PDE4B: variants seen among roughly 807,000 people sequenced by gnomAD.
PDE4B encodes the protein 3',5'-cyclic-AMP phosphodiesterase 4B.
PDE4B carries 20 observed loss-of-function variants against 82.2 expected under a neutral mutation model. That is an observed-to-expected ratio of 0.24 (90% CI 0.17 to 0.35). The LOEUF is 0.35. Ranked by LOEUF, PDE4B falls within the 10% of genes least tolerant of loss-of-function variation. PDE4B has a pLI of 1.00. For missense variants in PDE4B, 655 were observed against 907.2 expected (o/e 0.72, Z 3.57); for synonymous variants, 320 against 318.9 (o/e 1.00, Z -0.04).
chr1:66,288,864 C>A (rs1171902199), intron 7 of PDE4B, among the ~76,000 whole-genome samples: 1 of 152,168 alleles, frequency 6.6e-6, no homozygotes, highest in Non-Finnish European at 1.5e-5. Context: ...GACTTGGCAC[C>A]AGTTTCTGGG....
At chr1:66,262,857 G>T (rs898559548) in intron 6 of PDE4B, among the ~76,000 whole-genome samples, 1 of 152,120 alleles carries the variant, frequency 6.6e-6, no homozygotes, top group Non-Finnish European at 1.5e-5. Context: ...TGAGACAAAA[G>T]AATTTGTATA....
rs139307077 is a variant in PDE4B at position 65,948,792 on chromosome 1, C to T, written c.281+29957C>T. 3.3e-4 allele frequency among the ~76,000 whole-genome samples: 50 copies of T among 152,102 alleles called. No homozygotes were observed. The East Asian group carries it at 6.0e-3, about 18-fold the overall frequency. Reference sequence around the variant, plus strand: ...ATATCTGAGTAATTTACGGATTGATCGATGGTGTTGCAACATCTTTCTTGT... The same window carrying T: ...ATATCTGAGTAATTTACGGATTGATTGATGGTGTTGCAACATCTTTCTTGT... On this transcript the variant is annotated intron_variant, in intron 3 of 16. Coordinates refer to ENST00000341517, the MANE Select transcript of PDE4B (RefSeq NM_002600.4).
chr1:65,825,703 TACCTATC>T (rs1310389269), intron 1 of PDE4B, among the ~76,000 whole-genome samples: 5 of 31,210 alleles, frequency 1.6e-4, no homozygotes, highest in Non-Finnish European at 3.3e-4. Context: ...AAAACAAAAT[TACCTATC>T]TATCTATCTA....
At chr1:66,149,391 C>A (rs1196218604) in intron 3 of PDE4B, among the ~76,000 whole-genome samples, 1 of 152,102 alleles carries the variant, frequency 6.6e-6, no homozygotes, top group African/African-American at 2.4e-5. Flanking sequence ...CAAATATTTT[C>A]TCCTATTCTA....
intron 1 of PDE4B, among the ~76,000 whole-genome samples, chr1:65,867,738 C>A (rs944980566): frequency 4.6e-5 from 7 of 152,212 alleles, no homozygotes; most frequent in African/African-American, 1.7e-4. Flanking sequence ...TCTCTATGCC[C>A]TACATCATTG....
chr1:66,123,974 CA>C (rs1275270441), intron 3 of PDE4B, among the ~76,000 whole-genome samples: 1 of 152,120 alleles, frequency 6.6e-6, no homozygotes, highest in African/African-American at 2.4e-5. Flanking sequence ...TTCCCATATA[CA>C]AAGTGATTAA....
intron 3 of PDE4B, among the ~76,000 whole-genome samples, chr1:66,023,451 A>C (rs1653256262): frequency 6.6e-6 from 1 of 152,162 alleles, no homozygotes; most frequent in Non-Finnish European, 1.5e-5. Flanking sequence ...ACAAGGTAGC[A>C]TATGCTCAGA....
chr1:65,947,815 A>G (rs1648788419), intron 3 of PDE4B, among the ~76,000 whole-genome samples: 1 of 151,646 alleles, frequency 6.6e-6, no homozygotes. Flanking sequence ...ACCTGCTGAC[A>G]CCTTATTTTT....
At chr1:66,311,774 A>T (rs546796352) in intron 7 of PDE4B, among the ~76,000 whole-genome samples, 1 of 152,248 alleles carries the variant, frequency 6.6e-6, no homozygotes, top group Admixed American at 6.5e-5. Context: ...TTAAAGCAGC[A>T]AAGTGTATTC....
chr1:66,344,879 C>T (rs1307704477), intron 8 of PDE4B, among the ~76,000 whole-genome samples: 1 of 152,184 alleles, frequency 6.6e-6, no homozygotes, highest in African/African-American at 2.4e-5. Context: ...TTCTAAGGCC[C>T]ATTTCTTCAC....
chr1:65,868,232 A>G (rs977669520), intron 1 of PDE4B, among the ~76,000 whole-genome samples: 1 of 152,238 alleles, frequency 6.6e-6, no homozygotes, highest in Non-Finnish European at 1.5e-5. Flanking sequence ...CTCTGATGAA[A>G]TATAGGCATT....
intron 3 of PDE4B, among the ~76,000 whole-genome samples, chr1:66,006,161 T>A (rs1031058047): frequency 2.0e-5 from 3 of 152,232 alleles, no homozygotes; most frequent in African/African-American, 2.4e-5. Context: ...TGCCAAGTAC[T>A]TAGTTATCTG....
intron 3 of PDE4B, among the ~76,000 whole-genome samples, chr1:66,023,294 A>G (rs1570007974): frequency 6.6e-6 from 1 of 152,190 alleles, no homozygotes; most frequent in African/African-American, 2.4e-5. Context: ...TGGCCTTCAC[A>G]CCAGATCTTA....
chr1:66,044,549 G>T (rs1654581327), intron 3 of PDE4B, among the ~76,000 whole-genome samples: 1 of 151,704 alleles, frequency 6.6e-6, no homozygotes, highest in African/African-American at 2.4e-5. Flanking sequence ...TTAAGTAAAT[G>T]TTTAAAACAT....
At chr1:66,295,800 C>T (rs1657469025) in intron 7 of PDE4B, among the ~76,000 whole-genome samples, 1 of 152,138 alleles carries the variant, frequency 6.6e-6, no homozygotes, top group South Asian at 2.1e-4. Context: ...TAGTAGATTT[C>T]TATGTACAAC....
chr1:65,924,808 C>G (rs1280934631), intron 3 of PDE4B, among the ~76,000 whole-genome samples: 1 of 152,182 alleles, frequency 6.6e-6, no homozygotes, highest in Non-Finnish European at 1.5e-5. Context: ...GTCTCATAGA[C>G]CTATGTGAAG....
At chr1:66,135,864 G>T (rs769807520) in intron 3 of PDE4B, among the ~76,000 whole-genome samples, 43 of 152,120 alleles carry the variant, frequency 2.8e-4, no homozygotes, top group Non-Finnish European at 5.9e-4. Context: ...TGCATTTTAA[G>T]CTAAAGAATC....
At chr1:65,883,217 A>T (rs553638410) in intron 1 of PDE4B, among the ~76,000 whole-genome samples, 126 of 152,254 alleles carry the variant, frequency 8.3e-4, no homozygotes, top group African/African-American at 2.9e-3. Context: ...CTTGATGGGG[A>T]TGGCATTGAA....
At chr1:65,988,890 A>G (rs1380826110) in intron 3 of PDE4B, among the ~76,000 whole-genome samples, 1 of 152,184 alleles carries the variant, frequency 6.6e-6, no homozygotes, top group Non-Finnish European at 1.5e-5. Flanking sequence ...AGGATATTGA[A>G]TATAAAAAGT....
Sources: gnomAD v4.1 joint callset for allele counts (sites outside exome capture counted in the v4.1 genomes callset) on GRCh38, gnomAD v4.1.1 for gene constraint, MANE v1.5 for transcripts, NCBI Gene and HGNC (gene_info 2026-07-23, HGNC 2026-07-21) for gene names.